Variants in PLCG2 observed in about 807,000 individuals in gnomAD.
PLCG2 encodes the protein 1-phosphatidylinositol 4,5-bisphosphate phosphodiesterase gamma-2.
In PLCG2, 69 loss-of-function variants were observed where a neutral mutation model predicts 175.6. The ratio of observed to expected loss-of-function variants is 0.39; its 90% CI spans 0.32 to 0.48. The LOEUF (loss-of-function observed/expected upper bound fraction) is 0.48, where lower values mean the gene tolerates loss of function less well. PLCG2 is among the 20% of genes least tolerant of loss of function. The pLI is 0.91. For synonymous variants in PLCG2, 827 were observed against 624.0 expected, an observed-to-expected ratio of 1.33 and a Z score of -4.85; for missense variants, 1,798 against 1,650.9, an observed-to-expected ratio of 1.09 and a Z score of -1.54.
chr16:81,892,059 G>A (rs1274674020), intron 11 of PLCG2, among the ~76,000 whole-genome samples: 1 of 152,204 alleles, frequency 6.6e-6, no homozygotes, highest in Non-Finnish European at 1.5e-5. Flanking sequence ...GTTAACCACA[G>A]AATAGGACTT....
intron 19 of PLCG2, among the ~76,000 whole-genome samples, chr16:81,916,329 AAAT>A (rs1909841369): frequency 6.6e-6 from 1 of 152,086 alleles, no homozygotes; most frequent in Admixed American, 6.5e-5. Flanking sequence ...AAAAAGAAAA[AAAT>A]AAATATTTTA....
chr16:81,749,977 C>T (rs1286281545), intron 1 of PLCG2, among the ~76,000 whole-genome samples: 1 of 151,872 alleles, frequency 6.6e-6, no homozygotes, highest in Non-Finnish European at 1.5e-5. Flanking sequence ...GCTGGATTTG[C>T]TGACCTAGAA....
chr16:81,814,699 GA>G lies in PLCG2; in HGVS notation c.193+28527del, dbSNP rs75878012. 1.1e-3 allele frequency among the ~76,000 whole-genome samples: 167 copies of G among 147,424 alleles called. 1 individual carries two copies. Among genetic ancestry groups the G allele is most frequent in the African/African-American group, 3.7e-3 (149 of 40,238 alleles). The stretch of plus-strand genomic sequence containing the variant: ...AACAGTACGAGACTCTGTCTCAAAA[GA>G]AAAAAAAAAGACACCCTGGGGGACA... On this transcript the variant is annotated intron_variant, in intron 2 of 32. Transcript: ENST00000564138.
At chr16:81,797,780 G>T (rs983091901) in intron 2 of PLCG2, among the ~76,000 whole-genome samples, 5 of 152,072 alleles carry the variant, frequency 3.3e-5, no homozygotes, top group Admixed American at 6.6e-5. Flanking sequence ...CTTAGTGACT[G>T]TGTGACCTTA....
chr16:81,823,102 T>C (rs1597338238), intron 2 of PLCG2, among the ~76,000 whole-genome samples: 1 of 152,396 alleles, frequency 6.6e-6, no homozygotes, highest in East Asian at 1.9e-4. Flanking sequence ...AGGCGAGGCC[T>C]ATGTTGGCTG....
intron 2 of PLCG2, among the ~76,000 whole-genome samples, chr16:81,757,432 C>T (rs1909952830): frequency 6.6e-6 from 1 of 152,076 alleles, no homozygotes; most frequent in Admixed American, 6.6e-5. Context: ...GGCGCGGTGG[C>T]AGGTGGCTGT....
chr16:81,880,221 A>T (rs557111457), intron 7 of PLCG2, among the ~76,000 whole-genome samples: 1 of 152,344 alleles, frequency 6.6e-6, no homozygotes, highest in East Asian at 1.9e-4. Context: ...AGCCTGGGTA[A>T]CAGTGAGACC....
intron 2 of PLCG2, among the ~76,000 whole-genome samples, chr16:81,844,704 T>TA (rs898345811): frequency 5.9e-5 from 9 of 152,156 alleles, no homozygotes; most frequent in African/African-American, 2.2e-4. Context: ...GCATTTTGCA[T>TA]AAAAAAAGAG....
chr16:81,866,184 T>A (rs1255872275), intron 5 of PLCG2, among the ~76,000 whole-genome samples: 5 of 104,322 alleles, frequency 4.8e-5, no homozygotes, highest in Non-Finnish European at 7.8e-5. Context: ...TCTCCCTTGC[T>A]CCCAGGATGA....
chr16:81,839,159 C>T (rs1905687966), intron 2 of PLCG2, among the ~76,000 whole-genome samples: 13 of 152,078 alleles, frequency 8.5e-5, no homozygotes, highest in Admixed American at 8.5e-4. Context: ...TTGCCAAAAA[C>T]ATAAAATCAC....
At position 81,936,243 on chromosome 16, in the gene PLCG2, G is replaced by T. The variant is rs568724894; in HGVS notation, c.2917G>T (p.Asp973Tyr). 1 of 1,613,958 alleles carries T rather than the reference G, an allele frequency of 6.2e-7. No homozygotes were observed. The highest frequency in any genetic ancestry group is 1.3e-5 in the African/African-American group (1 of 74,882). ...ADSIIRQKPV[D>Y]LLKYNQKGLT... ...CAGCATCATCAGACAGAAGCCCGTCGACCTCCTGAAGTACAATCAAAAGGG... is the reference window on the plus strand; with the variant it reads ...CAGCATCATCAGACAGAAGCCCGTCTACCTCCTGAAGTACAATCAAAAGGG... The change falls in exon 27 of 33, where the codon GAC becomes TAC. Residue 973 changes from aspartate to tyrosine, a missense_variant. By Grantham distance (160) the Asp-to-Tyr change is radical. Coordinates refer to ENST00000564138, the MANE Select transcript of PLCG2 (RefSeq NM_002661.5).
At chr16:81,802,302 T>C (rs1043210855) in intron 2 of PLCG2, among the ~76,000 whole-genome samples, 4 of 149,516 alleles carry the variant, frequency 2.7e-5, no homozygotes, top group Admixed American at 2.7e-4. Flanking sequence ...TTAGTAGAGA[T>C]GGGGTTTCAC....
At chr16:81,856,759 C>G (rs910756672) in intron 3 of PLCG2, among the ~76,000 whole-genome samples, 34 of 152,166 alleles carry the variant, frequency 2.2e-4, no homozygotes, top group African/African-American at 8.0e-4. Flanking sequence ...ATATTATCCT[C>G]TATGGAAAAG....
chr16:81,854,725 C>T (rs1906596648), intron 3 of PLCG2, 138 bp downstream of exon 3: 1 of 759,030 alleles, frequency 1.3e-6, no homozygotes, highest in Non-Finnish European at 2.2e-6. Context: ...CCAGCCCTGC[C>T]CCTTTCTAGC....
At chr16:81,832,190 G>A (rs1231582136) in intron 2 of PLCG2, among the ~76,000 whole-genome samples, 1 of 152,148 alleles carries the variant, frequency 6.6e-6, no homozygotes, top group African/African-American at 2.4e-5. Flanking sequence ...CCTGACTCAT[G>A]GTGAATACTT....
At chr16:81,943,574 T>A (rs1911038641) in intron 30 of PLCG2, among the ~76,000 whole-genome samples, 2 of 152,122 alleles carry the variant, frequency 1.3e-5, no homozygotes, top group African/African-American at 4.8e-5. Context: ...ATAGATTTCT[T>A]CACCAATGTC....
intron 14 of PLCG2, among the ~76,000 whole-genome samples, chr16:81,905,187 A>G (rs980466021): frequency 3.9e-5 from 6 of 152,162 alleles, no homozygotes; most frequent in Admixed American, 1.3e-4. Context: ...GCGCCTGACC[A>G]GTATGGGCAA....
chr16:81,852,683 C>T (rs1054988409), intron 2 of PLCG2, among the ~76,000 whole-genome samples: 1 of 152,240 alleles, frequency 6.6e-6, no homozygotes, highest in African/African-American at 2.4e-5. Flanking sequence ...TGCTATACAA[C>T]AAACTATCCC....
intron 2 of PLCG2, among the ~76,000 whole-genome samples, chr16:81,853,067 A>C (rs901804737): frequency 6.6e-6 from 1 of 152,202 alleles, no homozygotes; most frequent in Admixed American, 6.5e-5. Context: ...CCGCTGGCTC[A>C]CGCCTGTAAT....
Sources: allele counts gnomAD v4.1 joint callset (sites outside exome capture counted in the v4.1 genomes callset), GRCh38; gene constraint gnomAD v4.1.1; transcripts MANE v1.5; gene names NCBI Gene and HGNC (gene_info 2026-07-23, HGNC 2026-07-21).